The following CLEC16A variants were observed in gnomAD, a reference collection of about 807,000 sequenced individuals.
CLEC16A encodes protein CLEC16A.
In CLEC16A, 51 loss-of-function variants were observed where a neutral mutation model predicts 109.5. That is an observed-to-expected ratio of 0.47 (90% CI 0.37 to 0.59). CLEC16A has a LOEUF of 0.59. Ranked by LOEUF, CLEC16A falls within the 20% of genes least tolerant of loss-of-function variation. The probability of loss-of-function intolerance (pLI) is 0.00; values close to 1 mark genes in which losing one functional copy is unlikely to be tolerated. For synonymous variants in CLEC16A, 673 were observed against 564.2 expected (o/e 1.19, Z -2.73); for missense variants, 1,339 against 1,394.0 (o/e 0.96, Z 0.63).
Position 10,982,896 on chromosome 16 carries a change from C to A in CLEC16A, c.976C>A (p.His326Asn). The change falls in exon 10 of 24, where the codon CAT becomes AAT. Residue 326 changes from histidine (H) to asparagine (N), a missense_variant. His to Asn is a moderately conservative substitution (Grantham distance 68, BLOSUM62 1). Transcript: ENST00000409790. ...LLSQVFLIIH[H>N]APLVNSLAEV... Reference sequence around the variant, plus strand: ...CCGCCAGGTCTTCTTAATTATACATCATGCACCGCTGGTGAACTCGTTAGC... The same window carrying A: ...CCGCCAGGTCTTCTTAATTATACATAATGCACCGCTGGTGAACTCGTTAGC... 6.2e-7 allele frequency: 1 copy of A among 1,603,556 alleles called. No individual in the cohort carries two copies.
chr16:11,051,230 A>G (rs79347313), intron 17 of CLEC16A, among the ~76,000 whole-genome samples: 36 of 152,336 alleles, frequency 2.4e-4, no homozygotes, highest in Non-Finnish European at 4.1e-4. Context: ...TGGAGAGAGA[A>G]TGCGAAGAGG....
At chr16:11,156,927 C>CA (rs2054552067) in intron 22 of CLEC16A, 3 of 228,546 alleles carry the variant, frequency 1.3e-5, no homozygotes, top group Non-Finnish European at 1.8e-5. Flanking sequence ...GCCCCCCCCC[C>CA]CACCCACCCC....
At chr16:10,967,181 C>T (rs1209759306) in intron 3 of CLEC16A, among the ~76,000 whole-genome samples, 1 of 152,092 alleles carries the variant, frequency 6.6e-6, no homozygotes. Context: ...AACTGACTTC[C>T]AAGGAGGACC....
chr16:11,057,355 A>G (rs1291984566), intron 18 of CLEC16A, among the ~76,000 whole-genome samples: 4 of 152,244 alleles, frequency 2.6e-5, no homozygotes. Flanking sequence ...GGCTCAGCAC[A>G]TCACCGGTGC....
chr16:11,051,722 TG>T (rs1417514230), intron 18 of CLEC16A, 81 bp downstream of exon 18: 1 of 1,561,402 alleles, frequency 6.4e-7, no homozygotes, highest in African/African-American at 1.4e-5. Flanking sequence ...AGGGCTTCTT[TG>T]TCAAAGTCAA....
chr16:11,008,439 T>A (rs1342997913), intron 11 of CLEC16A, among the ~76,000 whole-genome samples: 1 of 152,090 alleles, frequency 6.6e-6, no homozygotes, highest in Non-Finnish European at 1.5e-5. Flanking sequence ...AATGAGTGTG[T>A]CAGAGTATCA....
intron 3 of CLEC16A, among the ~76,000 whole-genome samples, chr16:10,966,493 A>G (rs1204531629): frequency 6.6e-6 from 1 of 152,232 alleles, no homozygotes; most frequent in Non-Finnish European, 1.5e-5. Flanking sequence ...CACCGTGTGT[A>G]TATGTAAAAA....
At chr16:11,012,349 G>A (rs997947729) in intron 11 of CLEC16A, among the ~76,000 whole-genome samples, 20 of 152,144 alleles carry the variant, frequency 1.3e-4, no homozygotes, top group Non-Finnish European at 1.6e-4. Context: ...TAATCCCAGC[G>A]CTTTGGGAGG....
At chr16:11,131,473 C>T (rs1294403901) in intron 22 of CLEC16A, among the ~76,000 whole-genome samples, 2 of 152,208 alleles carry the variant, frequency 1.3e-5, no homozygotes, top group African/African-American at 4.8e-5. Context: ...GAGGCTGCTT[C>T]AGGAGGCCGC....
chr16:10,946,422 G>T (rs933380138), intron 1 of CLEC16A, among the ~76,000 whole-genome samples: 2 of 152,178 alleles, frequency 1.3e-5, no homozygotes, highest in Non-Finnish European at 2.9e-5. Context: ...GGTTCACTAT[G>T]TGGTGAGGGG....
At chr16:10,980,352 G>A (rs558397359) in intron 9 of CLEC16A, among the ~76,000 whole-genome samples, 1 of 151,984 alleles carries the variant, frequency 6.6e-6, no homozygotes, top group African/African-American at 2.4e-5. Flanking sequence ...TCTGTACGAC[G>A]GCGCTGAGCA....
intron 17 of CLEC16A, 68 bp from the exon 18 acceptor site, chr16:11,051,445 C>T: frequency 1.3e-6 from 2 of 1,536,306 alleles, no homozygotes; most frequent in South Asian, 2.3e-5. Context: ...CCTGTGCAAC[C>T]TCCCCCGGCC....
intron 19 of CLEC16A, among the ~76,000 whole-genome samples, chr16:11,110,586 C>T (rs16958062): frequency 0.014 from 2,129 of 152,278 alleles, 42 homozygotes; most frequent in African/African-American, 0.049. Flanking sequence ...AGGGTTCCAA[C>T]GAGAGAGTCA....
At chr16:11,093,361 T>C (rs12448240) in intron 19 of CLEC16A, among the ~76,000 whole-genome samples, 3,365 of 152,286 alleles carry the variant, frequency 0.022, 80 homozygotes, top group Non-Finnish European at 0.035. Context: ...CCAGTGAGTA[T>C]GAGTCTAGGA....
intron 10 of CLEC16A, among the ~76,000 whole-genome samples, chr16:10,997,777 G>A (rs1025496925): frequency 3.3e-5 from 5 of 152,240 alleles, no homozygotes; most frequent in African/African-American, 9.6e-5. Flanking sequence ...ACCTTTCGCT[G>A]TGTATTTTCA....
chr16:10,966,380 A>G (rs1051478259), intron 3 of CLEC16A, among the ~76,000 whole-genome samples: 5 of 152,196 alleles, frequency 3.3e-5, no homozygotes, highest in African/African-American at 1.2e-4. Flanking sequence ...TGCTAGAAGC[A>G]GAATAAGGGT....
chr16:11,103,895 T>A (rs2051066996), intron 19 of CLEC16A, among the ~76,000 whole-genome samples: 1 of 152,208 alleles, frequency 6.6e-6, no homozygotes, highest in Non-Finnish European at 1.5e-5. Context: ...ACAACTGGCC[T>A]ATGTCGGAGG....
intron 22 of CLEC16A, chr16:11,156,645 G>A: frequency 3.1e-6 from 4 of 1,304,322 alleles, no homozygotes; most frequent in Non-Finnish European, 4.0e-6. Flanking sequence ...TTGGCTGACA[G>A]ACTGTTGTGG....
chr16:11,112,305 A>C (rs1179946805), intron 19 of CLEC16A, among the ~76,000 whole-genome samples: 3 of 152,194 alleles, frequency 2.0e-5, no homozygotes, highest in Non-Finnish European at 2.9e-5. Context: ...ATACCTGTTA[A>C]AATGGGAACC....
Sources: allele counts gnomAD v4.1 joint callset (sites outside exome capture counted in the v4.1 genomes callset), GRCh38; gene constraint gnomAD v4.1.1; transcripts MANE v1.5; gene names NCBI Gene and HGNC (gene_info 2026-07-23, HGNC 2026-07-21).